GTF2IRD1: variants seen among roughly 807,000 people sequenced by gnomAD.
GTF2IRD1 encodes the protein GTF2I repeat domain containing 1.
Under a neutral mutation model 113.2 loss-of-function variants are expected in GTF2IRD1, and 26 were observed. The ratio of observed to expected loss-of-function variants is 0.23; its 90% CI spans 0.17 to 0.32. GTF2IRD1 has a LOEUF of 0.32. Ranked by LOEUF, GTF2IRD1 falls within the 10% of genes least tolerant of loss-of-function variation. The probability of loss-of-function intolerance (pLI) is 1.00; values close to 1 mark genes in which losing one functional copy is unlikely to be tolerated. For synonymous variants in GTF2IRD1, 484 were observed against 529.1 expected (o/e 0.91, Z 1.17); for missense variants, 864 against 1,280.8 (o/e 0.67, Z 4.97).
chr7:74,513,538 C>T (rs1554343657), intron 3 of GTF2IRD1, among the ~76,000 whole-genome samples: 1 of 152,180 alleles, frequency 6.6e-6, no homozygotes, highest in African/African-American at 2.4e-5. Context: ...CTCCTGACCT[C>T]AGGTGACCCG....
intron 1 of GTF2IRD1, among the ~76,000 whole-genome samples, chr7:74,462,008 C>T (rs1162536130): frequency 7.2e-5 from 11 of 152,118 alleles, no homozygotes; most frequent in Non-Finnish European, 1.6e-4. Context: ...GAGGCTGAGG[C>T]GGGAGGATGG....
At chr7:74,534,527 G>A (rs587669370) in intron 9 of GTF2IRD1, among the ~76,000 whole-genome samples, 4 of 151,214 alleles carry the variant, frequency 2.6e-5, no homozygotes, top group South Asian at 2.1e-4. Context: ...CCTTGAACCC[G>A]GGAGGCGGAG....
intron 2 of GTF2IRD1, among the ~76,000 whole-genome samples, chr7:74,510,319 T>C (rs1796549386): frequency 6.6e-6 from 1 of 151,504 alleles, no homozygotes; most frequent in African/African-American, 2.4e-5. Flanking sequence ...TTTTTTTTTT[T>C]TTTTGGAGAT....
chr7:74,459,054 G>A (rs1793184552), intron 1 of GTF2IRD1, among the ~76,000 whole-genome samples: 1 of 152,074 alleles, frequency 6.6e-6, no homozygotes, highest in African/African-American at 2.4e-5. Context: ...TTCTCTCTGG[G>A]CCAATCTGCA....
In GTF2IRD1 at chr7:74,539,216, C is replaced by G. The variant is rs587660505; in HGVS notation, c.1528+456C>G. 1.8e-4 allele frequency among the ~76,000 whole-genome samples: 27 copies of G among 152,206 alleles called. No individual in the cohort carries two copies. In the South Asian group the frequency reaches 5.2e-3, roughly 29 times the overall value. ...ATCCTGGCATTTTGGGTGGCTGACACGGGAGGATGGCTTGAGGCCAGGAGT... is the reference window on the plus strand; with the variant it reads ...ATCCTGGCATTTTGGGTGGCTGACAGGGGAGGATGGCTTGAGGCCAGGAGT... On this transcript the variant is annotated intron_variant, in intron 13 of 26. Transcript: ENST00000424337.
At chr7:74,460,975 AAATGGGGGG>A (rs1245143414) in intron 1 of GTF2IRD1, among the ~76,000 whole-genome samples, 1 of 151,716 alleles carries the variant, frequency 6.6e-6, no homozygotes, top group Non-Finnish European at 1.5e-5. Flanking sequence ...GGAGTGGGGG[AAATGGGGGG>A]AAAGTAAGGG....
intron 1 of GTF2IRD1, among the ~76,000 whole-genome samples, chr7:74,471,729 G>C (rs562363558): frequency 6.7e-6 from 1 of 149,926 alleles, no homozygotes; most frequent in East Asian, 2.0e-4. Flanking sequence ...TGCGGTGGCT[G>C]ACGTCTGTAA....
chr7:74,545,669 G>C (rs1798882227), intron 15 of GTF2IRD1, 75 bp from the exon 16 acceptor site: 1 of 986,412 alleles, frequency 1.0e-6, no homozygotes, highest in Non-Finnish European at 1.6e-6. Context: ...GGCCAATGTT[G>C]GTACCAGCAG....
At chr7:74,524,859 G>C (rs1406842108) in intron 8 of GTF2IRD1, among the ~76,000 whole-genome samples, 1 of 152,114 alleles carries the variant, frequency 6.6e-6, no homozygotes, top group African/African-American at 2.4e-5. Flanking sequence ...GTGAGACTCT[G>C]TCTCAAAAAA....
chr7:74,511,670 A>G (rs1459073167), intron 2 of GTF2IRD1, among the ~76,000 whole-genome samples: 1 of 152,234 alleles, frequency 6.6e-6, no homozygotes, highest in African/African-American at 2.4e-5. Flanking sequence ...AGGCAAGATT[A>G]TGGCCCAGAG....
chr7:74,489,273 T>C (rs1795196363), intron 1 of GTF2IRD1, among the ~76,000 whole-genome samples: 1 of 152,210 alleles, frequency 6.6e-6, no homozygotes, highest in South Asian at 2.1e-4. Context: ...GGGCTGATTC[T>C]TTTCATGTCT....
intron 8 of GTF2IRD1, among the ~76,000 whole-genome samples, chr7:74,527,091 T>C (rs1797643892): frequency 6.6e-6 from 1 of 151,902 alleles, no homozygotes; most frequent in African/African-American, 2.4e-5. Context: ...CCAGGAGATA[T>C]GGGAGCCTGG....
intron 1 of GTF2IRD1, among the ~76,000 whole-genome samples, chr7:74,467,282 G>C (rs189420001): frequency 1.1e-4 from 16 of 152,124 alleles, no homozygotes; most frequent in Admixed American, 4.6e-4. Context: ...TCTCGTTGGC[G>C]CTCCTCTACC....
Position 74,589,873 on chromosome 7 carries a change from CGG to C in GTF2IRD1, c.2346_2347del (p.Lys784GlyfsTer17). The C allele has an allele frequency of 1.9e-6, 3 of 1,611,666 alleles. No individual in the cohort carries two copies. Among genetic ancestry groups the C allele is most frequent in the Non-Finnish European group, 2.5e-6 (3 of 1,177,900 alleles). On this transcript the variant is annotated frameshift_variant, in exon 23 of 27. Coordinates refer to ENST00000424337, the MANE Select transcript of GTF2IRD1 (RefSeq NM_005685.4). LOFTEE classifies it high-confidence loss of function. ...KPDEDDANRL[G>X]EKVILREQVK... ...TAGATGAAGATGACGCCAACAGACT[CGG>C]GGAGAAGGTGATCCTGCGGGAGCAG...
chr7:74,548,507 T>C (rs1799097404), intron 17 of GTF2IRD1, among the ~76,000 whole-genome samples: 1 of 151,696 alleles, frequency 6.6e-6, no homozygotes, highest in African/African-American at 2.4e-5. Flanking sequence ...CAGTGGCTCA[T>C]GCCTATAATC....
At chr7:74,499,805 T>C (rs1258095941) in intron 1 of GTF2IRD1, among the ~76,000 whole-genome samples, 1 of 151,930 alleles carries the variant, frequency 6.6e-6, no homozygotes, top group Non-Finnish European at 1.5e-5. Flanking sequence ...AGTGAATGAA[T>C]GCACACGAAA....
rs61151844 is a variant in GTF2IRD1, at chr7:74,476,366, C to CTTTTTTTTT, written c.-7+22193_-7+22201dup. 1.0e-3 allele frequency among the ~76,000 whole-genome samples: 123 copies of CTTTTTTTTT among 122,148 alleles called. 9 individuals are homozygous for CTTTTTTTTT. The highest frequency in any genetic ancestry group is 1.6e-3 in the African/African-American group (50 of 30,510). The allele number at this position is 122,148 out of a possible 152,430, so 80.1% of individuals were successfully genotyped here. On this transcript the variant is annotated intron_variant, in intron 1 of 26. Coordinates refer to ENST00000424337, the MANE Select transcript of GTF2IRD1 (RefSeq NM_005685.4). ...CCCGCTTGGAAGCCTTCTGAACCTCCTTTTTTTTTTTCTTTTGAGACGGAG... is the reference window on the plus strand; with the variant it reads ...CCCGCTTGGAAGCCTTCTGAACCTCCTTTTTTTTTTTTTTTTTTTTCTTTTGAGACGGAG...
At chr7:74,592,784 C>T (rs1173364433) in intron 24 of GTF2IRD1, among the ~76,000 whole-genome samples, 1 of 151,966 alleles carries the variant, frequency 6.6e-6, no homozygotes, top group Non-Finnish European at 1.5e-5. Context: ...CTGCCCACCT[C>T]AGCCTCCTAA....
chr7:74,544,105 G>T (rs1386468423), intron 14 of GTF2IRD1, among the ~76,000 whole-genome samples: 4 of 152,066 alleles, frequency 2.6e-5, no homozygotes, highest in African/African-American at 9.7e-5. Flanking sequence ...TCTTCCTTTT[G>T]TATGTTTTTA....
Sources: gnomAD v4.1 joint callset for allele counts (sites outside exome capture counted in the v4.1 genomes callset) on GRCh38, gnomAD v4.1.1 for gene constraint, MANE v1.5 for transcripts, NCBI Gene and HGNC (gene_info 2026-07-23, HGNC 2026-07-21) for gene names.